BICRAL: variants seen among roughly 807,000 people sequenced by gnomAD.
BICRAL encodes BICRA like chromatin remodeling complex associated protein.
BICRAL carries 8 observed loss-of-function variants against 91.8 expected under a neutral mutation model. The ratio of observed to expected loss-of-function variants is 0.09; its 90% CI spans 0.05 to 0.16. The LOEUF is 0.16. Ranked by LOEUF, BICRAL falls within the 10% of genes least tolerant of loss-of-function variation. BICRAL has a pLI of 1.00. For missense variants in BICRAL, 1,038 were observed against 1,310.9 expected (o/e 0.79, Z 3.21); for synonymous variants, 445 against 491.1 (o/e 0.91, Z 1.24).
chr6:42,830,303 T>C (rs1292419864), intron 6 of BICRAL, 131 bp downstream of exon 6: 5 of 908,684 alleles, frequency 5.5e-6, no homozygotes, highest in Non-Finnish European at 8.3e-6. Context: ...TAGTGGCTCA[T>C]GCCTGTAATC....
intron 3 of BICRAL, 128 bp downstream of exon 3, chr6:42,822,191 G>T: frequency 1.7e-6 from 1 of 578,202 alleles, no homozygotes; most frequent in Non-Finnish European, 3.1e-6. Context: ...CATAGGTTTA[G>T]TAGAGAAACA....
intron 2 of BICRAL, among the ~76,000 whole-genome samples, chr6:42,815,185 CTTTTTTTTTT>C (rs869106375): frequency 2.0e-5 from 2 of 101,140 alleles, no homozygotes; most frequent in Non-Finnish European, 4.0e-5. Flanking sequence ...GTCAGAATAT[CTTTTTTTTTT>C]TTTTTTTTTT....
intron 6 of BICRAL, among the ~76,000 whole-genome samples, chr6:42,851,475 A>C (rs1161033692): frequency 6.6e-6 from 1 of 152,176 alleles, no homozygotes; most frequent in Non-Finnish European, 1.5e-5. Flanking sequence ...AAAGAAACAC[A>C]CAACAATTTA....
At chr6:42,833,489 C>G (rs910333859) in intron 6 of BICRAL, among the ~76,000 whole-genome samples, 2 of 151,986 alleles carry the variant, frequency 1.3e-5, no homozygotes, top group Non-Finnish European at 2.9e-5. Context: ...ACTCTATTGT[C>G]CAGGCTAGAG....
At chr6:42,796,999 G>A (rs537606520) in intron 1 of BICRAL, among the ~76,000 whole-genome samples, 32 of 147,342 alleles carry the variant, frequency 2.2e-4, no homozygotes, top group African/African-American at 7.0e-4. Context: ...AGCTGAAATC[G>A]TGCCATTGCA....
chr6:42,835,191 C>T (rs545964778), intron 6 of BICRAL, among the ~76,000 whole-genome samples: 106 of 151,844 alleles, frequency 7.0e-4, no homozygotes, highest in Non-Finnish European at 1.3e-3. Context: ...TGCAATGGCA[C>T]GATATCTGCT....
intron 1 of BICRAL, among the ~76,000 whole-genome samples, chr6:42,770,867 T>G (rs1373517725): frequency 6.6e-6 from 1 of 150,944 alleles, no homozygotes; most frequent in Non-Finnish European, 1.5e-5. Flanking sequence ...ATTTTTGTAT[T>G]TTTAGTAGAG....
chr6:42,755,330 G>A (rs1762442204), intron 1 of BICRAL, among the ~76,000 whole-genome samples: 1 of 152,172 alleles, frequency 6.6e-6, no homozygotes. Context: ...CTCATGTGAA[G>A]AGCCTACTCC....
intron 8 of BICRAL, among the ~76,000 whole-genome samples, chr6:42,855,584 A>T (rs1327619322): frequency 6.6e-6 from 1 of 151,916 alleles, no homozygotes. Flanking sequence ...GTGCATTTAG[A>T]GAGGAGGTAG....
At chr6:42,775,018 C>T (rs1460288561) in intron 1 of BICRAL, among the ~76,000 whole-genome samples, 1 of 151,942 alleles carries the variant, frequency 6.6e-6, no homozygotes, top group African/African-American at 2.4e-5. Context: ...CTGCAACCTC[C>T]GCCTCCCAGG....
intron 2 of BICRAL, among the ~76,000 whole-genome samples, chr6:42,814,519 A>ATATATATTTT (rs1237976324): frequency 3.4e-4 from 27 of 80,204 alleles, no homozygotes; most frequent in South Asian, 1.3e-3. Context: ...ATATATATAT[A>ATATATATTTT]TTTTTTTTTT....
At chr6:42,761,285 A>G (rs1408790243) in intron 1 of BICRAL, among the ~76,000 whole-genome samples, 1 of 151,412 alleles carries the variant, frequency 6.6e-6, no homozygotes, top group Non-Finnish European at 1.5e-5. Context: ...TGAAACCCCC[A>G]TCTCTACTAA....
At chr6:42,815,924 T>G (rs1763977765) in intron 2 of BICRAL, among the ~76,000 whole-genome samples, 1 of 133,800 alleles carries the variant, frequency 7.5e-6, no homozygotes, top group Non-Finnish European at 1.5e-5. Flanking sequence ...GCGGAGGTTG[T>G]GGTAAGCCAA....
chr6:42,857,178 A>G lies in BICRAL; in HGVS notation c.2196A>G (p.Arg732=), dbSNP rs1163803778. 1.2e-6 allele frequency: 2 copies of G among 1,613,812 alleles called. No individual in the cohort carries two copies. Among genetic ancestry groups the G allele is most frequent in the South Asian group, 1.1e-5 (1 of 91,064 alleles). The change falls in exon 10 of 13, where the codon AGA becomes AGG. Residue 732 remains arginine (R), a synonymous_variant. Transcript: ENST00000314073. The part of the protein sequence containing the change: ...HFRSLSDAVQ[R]LLSYHVCQGS... ...GATCACTAAGTGATGCGGTACAGAG[A>G]CTGCTCTCCTACCACGTGTGCCAGG...
chr6:42,853,374 T>C (rs1389228872), intron 7 of BICRAL, among the ~76,000 whole-genome samples: 2 of 152,226 alleles, frequency 1.3e-5, no homozygotes, highest in East Asian at 3.8e-4. Flanking sequence ...TTTTTCAGAC[T>C]ATAAATAATT....
chr6:42,789,437 TCAAAAC>T (rs1355995937), intron 1 of BICRAL, among the ~76,000 whole-genome samples: 1 of 151,974 alleles, frequency 6.6e-6, no homozygotes, highest in Non-Finnish European at 1.5e-5. Context: ...GGCCAGGAGT[TCAAAAC>T]CAGCCTGGCC....
At chr6:42,767,889 A>C (rs752123738) in intron 1 of BICRAL, among the ~76,000 whole-genome samples, 2 of 152,208 alleles carry the variant, frequency 1.3e-5, no homozygotes, top group African/African-American at 4.8e-5. Context: ...GTGGACACCA[A>C]TTGAGAAACT....
intron 5 of BICRAL, among the ~76,000 whole-genome samples, chr6:42,826,180 T>A (rs545892846): frequency 1.3e-5 from 2 of 151,882 alleles, no homozygotes; most frequent in South Asian, 4.2e-4. Context: ...CAGCCATGAG[T>A]TGCAGAGCTA....
At chr6:42,836,619 C>CTTTTT (rs962446384) in intron 6 of BICRAL, among the ~76,000 whole-genome samples, 28 of 125,284 alleles carry the variant, frequency 2.2e-4, no homozygotes, top group African/African-American at 4.7e-4. Context: ...TGTGTAGTTT[C>CTTTTT]TTTTTTTTTT....
Sources: allele counts gnomAD v4.1 joint callset (sites outside exome capture counted in the v4.1 genomes callset), GRCh38; gene constraint gnomAD v4.1.1; transcripts MANE v1.5; gene names NCBI Gene and HGNC (gene_info 2026-07-23, HGNC 2026-07-21).